The following LAMA3 variants were observed in gnomAD, a reference collection of about 807,000 sequenced individuals.
The protein encoded by LAMA3 is laminin subunit alpha-3.
In LAMA3, 281 loss-of-function variants were observed where a neutral mutation model predicts 402.0. That is an observed-to-expected ratio of 0.70 (90% CI 0.63 to 0.77). The LOEUF (loss-of-function observed/expected upper bound fraction) is 0.77, where lower values mean the gene tolerates loss of function less well. LAMA3 is among the 30% of genes least tolerant of loss of function. LAMA3 has a pLI of 0.00. For synonymous variants in LAMA3, 1,431 were observed against 1,558.4 expected (o/e 0.92, Z 1.93); for missense variants, 3,840 against 4,215.5 (o/e 0.91, Z 2.47).
chr18:23,720,485 G>C (rs1383707289), intron 2 of LAMA3, among the ~76,000 whole-genome samples: 1 of 152,002 alleles, frequency 6.6e-6, no homozygotes, highest in African/African-American at 2.4e-5. Flanking sequence ...CTCCCGAGTA[G>C]CTGGGACTAC....
intron 35 of LAMA3, among the ~76,000 whole-genome samples, chr18:23,862,792 G>A (rs2144749687): frequency 6.7e-6 from 1 of 148,226 alleles, no homozygotes; most frequent in South Asian, 2.1e-4. Flanking sequence ...CTGTCAAGAT[G>A]TCAACCAGGG....
intron 63 of LAMA3, 102 bp downstream of exon 63, chr18:23,928,342 G>C: frequency 1.3e-6 from 1 of 797,766 alleles, no homozygotes; most frequent in Non-Finnish European, 2.2e-6. Context: ...ATAGCACACA[G>C]TGTTACAGTG....
At chr18:23,903,163 C>A (rs751054167) in intron 49 of LAMA3, 38 bp downstream of exon 49, 12 of 1,240,560 alleles carry the variant, frequency 9.7e-6, no homozygotes, top group East Asian at 2.3e-5. Context: ...AATCTAAAAA[C>A]ATTTTAATTA....
chr18:23,919,714 C>G (rs549822430), intron 60 of LAMA3, among the ~76,000 whole-genome samples: 1 of 152,252 alleles, frequency 6.6e-6, no homozygotes, highest in Non-Finnish European at 1.5e-5. Flanking sequence ...CTCAGTGGAA[C>G]AGTGGCTGCG....
intron 42 of LAMA3, among the ~76,000 whole-genome samples, chr18:23,892,015 G>A (rs1599019406): frequency 6.6e-6 from 1 of 152,246 alleles, no homozygotes; most frequent in East Asian, 1.9e-4. Context: ...ATGTTTGTTA[G>A]GCTGGCGTGT....
chr18:23,925,280 G>T (rs1262347323), intron 62 of LAMA3, among the ~76,000 whole-genome samples: 1 of 152,190 alleles, frequency 6.6e-6, no homozygotes. Context: ...TCACTGTAGT[G>T]TTTCTTCTGG....
At chr18:23,789,237 TAC>T (rs1442301478) in intron 12 of LAMA3, among the ~76,000 whole-genome samples, 1 of 152,170 alleles carries the variant, frequency 6.6e-6, no homozygotes, top group Non-Finnish European at 1.5e-5. Flanking sequence ...TGTGAAATAG[TAC>T]AGTGACTTTG....
At position 23,775,910 on chromosome 18, in the gene LAMA3, C is replaced by T; in HGVS notation, c.1392C>T (p.Phe464=). 1 of 1,614,106 alleles carries T rather than the reference C, an allele frequency of 6.2e-7. No homozygotes were observed. Among genetic ancestry groups the T allele is most frequent in the Non-Finnish European group, 8.5e-7 (1 of 1,180,024 alleles). The change falls in exon 10 of 75, where the codon TTC becomes TTT. Residue 464 remains phenylalanine, a synonymous_variant. Transcript: ENST00000313654. ...CEKCAIGYYN[F]PFCLRIPIFP... ...AGTGTGCAATTGGATACTACAATTT[C>T]CCATTTTGCTTGAGTAAGTACCCAC...
intron 69 of LAMA3, 87 bp from the exon 70 acceptor site, chr18:23,946,057 T>G: frequency 1.5e-6 from 2 of 1,329,628 alleles, no homozygotes; most frequent in Non-Finnish European, 2.2e-6. Flanking sequence ...AAACATTTTT[T>G]TTTAATTTGG....
At position 23,826,812 on chromosome 18, in the gene LAMA3, C is replaced by T; in HGVS notation, c.2669+13C>T. 6.6e-7 allele frequency: 1 copy of T among 1,507,502 alleles called. No individual in the cohort carries two copies. The highest frequency in any genetic ancestry group is 9.1e-7 in the Non-Finnish European group (1 of 1,104,938). 93.4% of individuals were successfully genotyped at this position (1,507,502 alleles called of 1,614,324 possible). ...CTCCCCAAGAAAAGTCAGTGTGGGG[C>T]AGAAGGTGCAGCCGCATCATTGGGG... On this transcript the variant is annotated intron_variant, in intron 22 of 74. Coordinates refer to ENST00000313654, the MANE Select transcript of LAMA3 (RefSeq NM_198129.4).
chr18:23,702,822 A>T (rs2060815175), intron 1 of LAMA3, among the ~76,000 whole-genome samples: 1 of 152,128 alleles, frequency 6.6e-6, no homozygotes, highest in Non-Finnish European at 1.5e-5. Context: ...CTTCTCCAGC[A>T]TCCCCTCTTG....
intron 5 of LAMA3, among the ~76,000 whole-genome samples, chr18:23,753,023 A>G (rs2061780978): frequency 2.0e-5 from 3 of 152,208 alleles, no homozygotes; most frequent in Admixed American, 2.0e-4. Context: ...GGAGCTGCCT[A>G]TTGTCAGCAC....
At chr18:23,894,572 T>A (rs749230491) in intron 43 of LAMA3, among the ~76,000 whole-genome samples, 1 of 152,240 alleles carries the variant, frequency 6.6e-6, no homozygotes, top group Non-Finnish European at 1.5e-5. Context: ...ACATGATAAC[T>A]AGACCTACCT....
chr18:23,918,850 C>T lies in LAMA3; in HGVS notation c.7924-2085C>T, dbSNP rs532168427. ...CTACCGCAGGGTGGTGACACTGACC[C>T]GGTCCAACTCTCCTCTCTGGGGTTG... On this transcript the variant is annotated intron_variant, in intron 60 of 74. Transcript: ENST00000313654. This position sits in a 1 kb window ranked among gnomAD's most constrained non-coding sequence, Gnocchi z 4.1. Among the ~76,000 whole-genome samples, 41 of 152,084 alleles carry T rather than the reference C, an allele frequency of 2.7e-4. No individual in the cohort carries two copies. Among genetic ancestry groups the T allele is most frequent in the African/African-American group, 3.9e-4 (16 of 41,390 alleles).
chr18:23,881,991 A>G lies in LAMA3; in HGVS notation c.5168A>G (p.Tyr1723Cys). 1 of 1,614,122 alleles carries G rather than the reference A, an allele frequency of 6.2e-7. No homozygotes were observed. Among genetic ancestry groups the G allele is most frequent in the South Asian group, 1.1e-5 (1 of 91,074 alleles). ...EHCERCQEGY[Y>C]GNAVHGSCRA... ...TGTGAACGCTGCCAGGAGGGCTACT[A>G]TGGCAACGCCGTCCACGGATCCTGC... The change falls in exon 40 of 75, where the codon TAT becomes TGT. Residue 1723 changes from tyrosine to cysteine, a missense_variant. This residue lies in a region of LAMA3 where 2,109 missense variants were observed against 2,376.0 expected (regional missense o/e 0.89). Transcript: ENST00000313654.
At chr18:23,778,070 G>A (rs1264183221) in intron 11 of LAMA3, among the ~76,000 whole-genome samples, 3 of 152,168 alleles carry the variant, frequency 2.0e-5, no homozygotes, top group Non-Finnish European at 2.9e-5. Flanking sequence ...TAATGCTTCT[G>A]GGGCATTCAC....
intron 8 of LAMA3, among the ~76,000 whole-genome samples, chr18:23,771,465 A>G (rs1173470347): frequency 2.0e-5 from 3 of 152,206 alleles, no homozygotes; most frequent in Non-Finnish European, 4.4e-5. Flanking sequence ...ATATTGCTCT[A>G]TATCTAGATA....
At chr18:23,874,931 G>T (rs775856167) in intron 38 of LAMA3, among the ~76,000 whole-genome samples, 1 of 152,082 alleles carries the variant, frequency 6.6e-6, no homozygotes, top group African/African-American at 2.4e-5. Flanking sequence ...TGGCGCAGTC[G>T]TGGCTCACTG....
intron 41 of LAMA3, among the ~76,000 whole-genome samples, chr18:23,888,092 A>C (rs558382441): frequency 1.1e-4 from 16 of 152,360 alleles, no homozygotes; most frequent in African/African-American, 3.8e-4. Flanking sequence ...ATCAAAAATA[A>C]AGTATTCTAG....
Sources: gnomAD v4.1 joint callset for allele counts (sites outside exome capture counted in the v4.1 genomes callset) on GRCh38, gnomAD v4.1.1 for gene constraint, gnomAD v4.1.1 regional missense constraint, Gnocchi (gnomAD v3.1) non-coding constraint, MANE v1.5 for transcripts, NCBI Gene and HGNC (gene_info 2026-07-23, HGNC 2026-07-21) for gene names.